MYO16: variants seen among roughly 807,000 people sequenced by gnomAD.
The protein encoded by MYO16 is unconventional myosin-XVI.
MYO16 carries 94 observed loss-of-function variants against 205.3 expected under a neutral mutation model. The ratio of observed to expected loss-of-function variants is 0.46; its 90% CI spans 0.39 to 0.54. The LOEUF is 0.54. Ranked by LOEUF, MYO16 falls within the 20% of genes least tolerant of loss-of-function variation. The pLI, the probability that MYO16 is intolerant of heterozygous loss-of-function variation, is 0.00. For missense variants in MYO16, 2,315 were observed against 2,387.5 expected, an observed-to-expected ratio of 0.97 and a Z score of 0.63; for synonymous variants, 988 against 954.0, an observed-to-expected ratio of 1.04 and a Z score of -0.66.
intron 4 of MYO16, among the ~76,000 whole-genome samples, chr13:108,736,168 T>G (rs982211216): frequency 6.6e-6 from 1 of 152,232 alleles, no homozygotes; most frequent in African/African-American, 2.4e-5. Flanking sequence ...ATTTGTCAAT[T>G]TTGGCTTTTG....
At chr13:108,574,672 TG>T in the MYO16 span, among the ~76,000 whole-genome samples, 3 of 50,810 alleles carry the variant, frequency 5.9e-5, no homozygotes, top group East Asian at 5.3e-4. Flanking sequence ...TAACAATTTG[TG>T]TGTGTGTGTG....
chr13:108,938,803 G>A (rs951846316), intron 16 of MYO16, among the ~76,000 whole-genome samples: 5 of 152,242 alleles, frequency 3.3e-5, no homozygotes, highest in African/African-American at 1.2e-4. Flanking sequence ...AGGTGAATGA[G>A]TGTTCCAAAT....
At chr13:109,093,822 T>A (rs947317361) in intron 27 of MYO16, among the ~76,000 whole-genome samples, 2 of 152,082 alleles carry the variant, frequency 1.3e-5, no homozygotes, top group African/African-American at 2.4e-5. Context: ...CCTGACTCTT[T>A]CCTGCCCCTC....
intron 31 of MYO16, among the ~76,000 whole-genome samples, chr13:109,131,412 A>G: frequency 6.6e-6 from 1 of 152,192 alleles, no homozygotes; most frequent in East Asian, 1.9e-4. Context: ...GTGAAGGAAA[A>G]CAGTACAGAG....
At chr13:109,138,959 CA>C (rs2139802061) in intron 31 of MYO16, among the ~76,000 whole-genome samples, 1 of 152,266 alleles carries the variant, frequency 6.6e-6, no homozygotes, top group South Asian at 2.1e-4. Context: ...GCTGGGACTA[CA>C]GGCGCGTGCC....
chr13:109,093,080 G>A (rs989872077), intron 27 of MYO16, among the ~76,000 whole-genome samples: 3 of 152,094 alleles, frequency 2.0e-5, no homozygotes, highest in African/African-American at 7.2e-5. Context: ...TTTTATGCTT[G>A]AGTCCTTGAT....
chr13:109,002,371 A>G (rs1181956909), intron 21 of MYO16, among the ~76,000 whole-genome samples: 2 of 152,216 alleles, frequency 1.3e-5, no homozygotes, highest in African/African-American at 4.8e-5. Flanking sequence ...TACTCAAGAA[A>G]TTGTTTGTCA....
the MYO16 span, among the ~76,000 whole-genome samples, chr13:108,518,748 C>T: frequency 6.6e-6 from 1 of 152,146 alleles, no homozygotes; most frequent in Non-Finnish European, 1.5e-5. Context: ...GGCAAAATCA[C>T]ATGCCATAGT....
the MYO16 span, among the ~76,000 whole-genome samples, chr13:108,542,830 T>C: frequency 6.6e-6 from 1 of 151,830 alleles, no homozygotes; most frequent in Non-Finnish European, 1.5e-5. Context: ...TGCATTTTAT[T>C]CTATTATTAA....
At position 108,738,233 on chromosome 13, in the gene MYO16, T is replaced by C. The variant is rs567467626; in HGVS notation, c.507+10650T>C. Among the ~76,000 whole-genome samples the C allele has an allele frequency of 3.3e-4, 51 of 152,310 alleles. No homozygotes were observed. In the South Asian group the frequency reaches 0.01, roughly 31 times the overall value. ...TTCTTTTAATTGAGATGTTAGGGTGTCAATTTTAGATCTTTCCTGCTTTCT... is the reference window on the plus strand; with the variant it reads ...TTCTTTTAATTGAGATGTTAGGGTGCCAATTTTAGATCTTTCCTGCTTTCT... On this transcript the variant is annotated intron_variant, in intron 4 of 34. Transcript: ENST00000457511.
intron 27 of MYO16, among the ~76,000 whole-genome samples, chr13:109,093,232 G>A (rs1190998446): frequency 6.6e-6 from 1 of 152,142 alleles, no homozygotes; most frequent in African/African-American, 2.4e-5. Context: ...GTTGAAAGTG[G>A]TCAGAAACCC....
At chr13:109,146,977 A>AGTACTCT (rs1316430649) in intron 32 of MYO16, among the ~76,000 whole-genome samples, 34 of 152,088 alleles carry the variant, frequency 2.2e-4, no homozygotes, top group African/African-American at 7.7e-4. Flanking sequence ...AGGCATTTTA[A>AGTACTCT]TAAGTACTCA....
chr13:109,000,456 A>G (rs2139459027), intron 21 of MYO16, among the ~76,000 whole-genome samples: 1 of 152,268 alleles, frequency 6.6e-6, no homozygotes, highest in Non-Finnish European at 1.5e-5. Context: ...GTTTGTCAGA[A>G]CCTCTAAACT....
At chr13:109,023,875 T>G (rs1237100578) in intron 23 of MYO16, among the ~76,000 whole-genome samples, 2 of 138,682 alleles carry the variant, frequency 1.4e-5, no homozygotes, top group African/African-American at 2.6e-5. Flanking sequence ...TTATTAAATT[T>G]TATTAAATAC....
At chr13:108,772,800 A>G (rs1886010077) in intron 4 of MYO16, among the ~76,000 whole-genome samples, 1 of 152,194 alleles carries the variant, frequency 6.6e-6, no homozygotes, top group African/African-American at 2.4e-5. Context: ...AAGCAGTTCA[A>G]AAATTGTGCA....
intron 20 of MYO16, among the ~76,000 whole-genome samples, chr13:108,992,155 A>G (rs1339241201): frequency 1.3e-5 from 2 of 152,292 alleles, no homozygotes; most frequent in East Asian, 3.9e-4. Context: ...TGTTTTTATA[A>G]ATGTGCATGT....
At chr13:108,667,621 A>AAAAAT (rs1881798757) in intron 2 of MYO16, among the ~76,000 whole-genome samples, 2 of 152,186 alleles carry the variant, frequency 1.3e-5, no homozygotes, top group Non-Finnish European at 2.9e-5. Context: ...CATACCTTCC[A>AAAAAT]GCAGCATTGA....
chr13:108,994,867 A>G (rs1011516254), intron 21 of MYO16, among the ~76,000 whole-genome samples: 1 of 152,176 alleles, frequency 6.6e-6, no homozygotes, highest in African/African-American at 2.4e-5. Flanking sequence ...TTCAGGAATA[A>G]ATGACAATTG....
intron 9 of MYO16, among the ~76,000 whole-genome samples, chr13:108,832,018 A>G (rs1299750921): frequency 6.6e-6 from 1 of 152,120 alleles, no homozygotes; most frequent in Non-Finnish European, 1.5e-5. Flanking sequence ...CAGCTGCTGT[A>G]ACTTTGGGGT....
Sources: allele counts gnomAD v4.1 joint callset (sites outside exome capture counted in the v4.1 genomes callset), GRCh38; gene constraint gnomAD v4.1.1; transcripts MANE v1.5; gene names NCBI Gene and HGNC (gene_info 2026-07-23, HGNC 2026-07-21).